AOPEP: variants seen among roughly 807,000 people sequenced by gnomAD.
AOPEP encodes the protein aminopeptidase O (putative).
AOPEP carries 77 observed loss-of-function variants against 98.1 expected under a neutral mutation model. The ratio of observed to expected loss-of-function variants is 0.78; its 90% confidence interval spans 0.65 to 0.95. AOPEP has a LOEUF of 0.95. AOPEP is among the 40% of genes least tolerant of loss of function. The probability of loss-of-function intolerance (pLI) is 0.00; values close to 1 mark genes in which losing one functional copy is unlikely to be tolerated. For synonymous variants in AOPEP, 346 were observed against 365.3 expected, an observed-to-expected ratio of 0.95 and a Z score of 0.60; for missense variants, 1,024 against 1,024.7, an observed-to-expected ratio of 1.00 and a Z score of 0.01.
At chr9:95,133,625 A>G in the AOPEP span, among the ~76,000 whole-genome samples, 6 of 152,242 alleles carry the variant, frequency 3.9e-5, no homozygotes, top group African/African-American at 1.4e-4. Flanking sequence ...TTCAGGGAAG[A>G]ATCCAAGGAT....
the AOPEP span, chr9:95,125,217 T>G: frequency 1.9e-6 from 3 of 1,564,482 alleles, no homozygotes; most frequent in Non-Finnish European, 2.6e-6. Flanking sequence ...CAGAACACGT[T>G]TAACAAGTAA....
intron 3 of AOPEP, among the ~76,000 whole-genome samples, chr9:94,774,697 A>G (rs566597409): frequency 6.6e-6 from 1 of 152,270 alleles, no homozygotes; most frequent in South Asian, 2.1e-4. Context: ...ATTAAATTCC[A>G]GGGGAGACAT....
chr9:94,856,034 T>C (rs1490338830), intron 5 of AOPEP, among the ~76,000 whole-genome samples: 2 of 152,182 alleles, frequency 1.3e-5, no homozygotes, highest in East Asian at 1.9e-4. Flanking sequence ...TTCTATCTAC[T>C]GAGGCCACAA....
At chr9:94,958,872 A>G (rs2058639432) in intron 9 of AOPEP, among the ~76,000 whole-genome samples, 1 of 152,034 alleles carries the variant, frequency 6.6e-6, no homozygotes, top group African/African-American at 2.4e-5. Context: ...AAAAGTTTTT[A>G]ATTTTGATGA....
chr9:94,866,254 C>T (rs994748961), intron 5 of AOPEP, among the ~76,000 whole-genome samples: 1 of 152,176 alleles, frequency 6.6e-6, no homozygotes, highest in Non-Finnish European at 1.5e-5. Context: ...TAAATAAGCT[C>T]ACCAGCGTGT....
At chr9:94,836,559 C>G (rs1692484952) in intron 5 of AOPEP, among the ~76,000 whole-genome samples, 1 of 152,052 alleles carries the variant, frequency 6.6e-6, no homozygotes, top group Non-Finnish European at 1.5e-5. Context: ...TGTTTTCTTG[C>G]TGTTGAGTTT....
chr9:95,149,124 T>C, the AOPEP span, among the ~76,000 whole-genome samples: 9 of 152,188 alleles, frequency 5.9e-5, no homozygotes, highest in African/African-American at 2.2e-4. Context: ...AAATAAGCTA[T>C]TTGTGTTAAC....
At chr9:94,847,135 C>CAA (rs1334985470) in intron 5 of AOPEP, among the ~76,000 whole-genome samples, 1 of 147,512 alleles carries the variant, frequency 6.8e-6, no homozygotes, top group Non-Finnish European at 1.5e-5. Context: ...TGTACACACA[C>CAA]ACACACACAC....
At chr9:95,079,173 G>A (rs560316723) in intron 14 of AOPEP, among the ~76,000 whole-genome samples, 123 of 152,316 alleles carry the variant, frequency 8.1e-4, no homozygotes, top group African/African-American at 2.8e-3. Flanking sequence ...CGTTCTCAGA[G>A]GGCACTGTGG....
chr9:95,088,605 G>A (rs1444371764), downstream of AOPEP, among the ~76,000 whole-genome samples: 1 of 152,176 alleles, frequency 6.6e-6, no homozygotes, highest in Non-Finnish European at 1.5e-5. Context: ...ACTGCCCTGC[G>A]AGGCTCCCAC....
chr9:94,790,953 C>T (rs187334813), intron 3 of AOPEP, among the ~76,000 whole-genome samples: 31 of 151,948 alleles, frequency 2.0e-4, no homozygotes, highest in African/African-American at 7.2e-4. Flanking sequence ...AATAATAGCT[C>T]CTGTAAAGGA....
At chr9:94,791,876 T>C (rs1182178346) in intron 3 of AOPEP, among the ~76,000 whole-genome samples, 3 of 152,238 alleles carry the variant, frequency 2.0e-5, no homozygotes, top group African/African-American at 7.2e-5. Flanking sequence ...ACGATTAATG[T>C]ATAGCAGATG....
chr9:94,905,165 C>T (rs1225647014), intron 5 of AOPEP, among the ~76,000 whole-genome samples: 7 of 152,160 alleles, frequency 4.6e-5, no homozygotes, highest in Admixed American at 2.0e-4. Context: ...GTAGCTGCAA[C>T]ATAAAATAAA....
chr9:94,822,009 A>ACGCACG (rs374854500), intron 5 of AOPEP, among the ~76,000 whole-genome samples: 3 of 149,884 alleles, frequency 2.0e-5, no homozygotes, highest in East Asian at 2.0e-4. Flanking sequence ...ACACACACAC[A>ACGCACG]CACGCAGGCA....
At chr9:94,939,506 A>G (rs1225546702) in intron 7 of AOPEP, among the ~76,000 whole-genome samples, 3 of 152,088 alleles carry the variant, frequency 2.0e-5, no homozygotes, top group African/African-American at 7.2e-5. Context: ...GTCTTGACCC[A>G]GGATGGTAGG....
intron 5 of AOPEP, among the ~76,000 whole-genome samples, chr9:94,834,409 G>C (rs1265169052): frequency 6.6e-6 from 1 of 152,182 alleles, no homozygotes; most frequent in Non-Finnish European, 1.5e-5. Flanking sequence ...TTATCAAGAA[G>C]TTGAACACTG....
chr9:94,817,305 C>T (rs953124184), intron 5 of AOPEP, among the ~76,000 whole-genome samples: 10 of 152,174 alleles, frequency 6.6e-5, no homozygotes, highest in Admixed American at 3.3e-4. Context: ...ACACCTGGCC[C>T]TTGTACCCTA....
intron 3 of AOPEP, among the ~76,000 whole-genome samples, chr9:94,783,638 G>A (rs1843761938): frequency 6.6e-6 from 1 of 152,006 alleles, no homozygotes; most frequent in South Asian, 2.1e-4. Flanking sequence ...GCCAAAATGG[G>A]GAGCTCTCTC....
At position 94,927,323 on chromosome 9, in the gene AOPEP, CAT is replaced by C. The variant is rs201508125; in HGVS notation, c.1555-1097_1555-1096del. 8.6e-4 allele frequency among the ~76,000 whole-genome samples: 131 copies of C among 152,350 alleles called. No individual in the cohort carries two copies. In the East Asian group the frequency reaches 9.4e-3, roughly 11 times the overall value. On this transcript the variant is annotated intron_variant, in intron 6 of 16. Coordinates refer to ENST00000375315, the MANE Select transcript of AOPEP (RefSeq NM_001193329.3). ...TCACACCGGGGTAAGGCCTTCAACACATATATTTTGTGGAGACACAGTTTAGT... is the reference window on the plus strand; with the variant it reads ...TCACACCGGGGTAAGGCCTTCAACACATATTTTGTGGAGACACAGTTTAGT...
Sources: gnomAD v4.1 joint callset for allele counts (sites outside exome capture counted in the v4.1 genomes callset) on GRCh38, gnomAD v4.1.1 for gene constraint, MANE v1.5 for transcripts, NCBI Gene and HGNC (gene_info 2026-07-23, HGNC 2026-07-21) for gene names.